The following CHRNA7 variants were observed in gnomAD, a reference collection of about 807,000 sequenced individuals.
CHRNA7 encodes the protein cholinergic receptor nicotinic alpha 7 subunit.
A neutral mutation model predicts 48.0 loss-of-function variants in CHRNA7; 17 were observed. The observed-to-expected ratio is 0.35, with a 90% confidence interval of 0.24 to 0.53. The LOEUF (loss-of-function observed/expected upper bound fraction) is 0.53, where lower values mean the gene tolerates loss of function less well. Ranked by LOEUF, CHRNA7 falls within the 20% of genes least tolerant of loss-of-function variation. The pLI, the probability that CHRNA7 is intolerant of heterozygous loss-of-function variation, is 0.92. For missense variants in CHRNA7, 155 were observed against 577.7 expected (o/e 0.27, Z 7.50); for synonymous variants, 75 against 242.3 (o/e 0.31, Z 6.41).
At chr15:32,126,350 G>A (rs946305346) in intron 4 of CHRNA7, among the ~76,000 whole-genome samples, 37 of 152,274 alleles carry the variant, frequency 2.4e-4, no homozygotes, top group African/African-American at 7.9e-4. Flanking sequence ...ATCTGAGTTT[G>A]TAGTTTGCAT....
At chr15:32,086,778 T>G (rs946331481) in intron 2 of CHRNA7, among the ~76,000 whole-genome samples, 7 of 152,156 alleles carry the variant, frequency 4.6e-5, no homozygotes, top group African/African-American at 1.7e-4. Context: ...TGTCTCTTCA[T>G]TGGGATTTGT....
intron 2 of CHRNA7, among the ~76,000 whole-genome samples, chr15:32,096,782 G>C (rs1447453118): frequency 6.6e-6 from 1 of 152,244 alleles, no homozygotes; most frequent in African/African-American, 2.4e-5. Context: ...AAACCAGATA[G>C]ACGATTATTC....
At chr15:32,147,679 C>T (rs2051520567) in intron 4 of CHRNA7, among the ~76,000 whole-genome samples, 1 of 152,172 alleles carries the variant, frequency 6.6e-6, no homozygotes, top group Non-Finnish European at 1.5e-5. Context: ...TTCCTGGAAT[C>T]TCTGGCAGGT....
chr15:32,069,482 C>CA (rs1368558849), intron 2 of CHRNA7, among the ~76,000 whole-genome samples: 1 of 151,648 alleles, frequency 6.6e-6, no homozygotes, highest in Non-Finnish European at 1.5e-5. Context: ...CCAATTGCTA[C>CA]AAAAAAATTT....
chr15:32,089,286 T>C (rs1299812024), intron 2 of CHRNA7, among the ~76,000 whole-genome samples: 2 of 152,214 alleles, frequency 1.3e-5, no homozygotes, highest in Non-Finnish European at 2.9e-5. Flanking sequence ...TTCAAAATTG[T>C]TCCACAATTT....
At chr15:32,087,950 T>C (rs2050324613) in intron 2 of CHRNA7, among the ~76,000 whole-genome samples, 1 of 152,208 alleles carries the variant, frequency 6.6e-6, no homozygotes, top group Admixed American at 6.5e-5. Context: ...ATCTCCTAAG[T>C]ATTTGTTTTG....
At chr15:32,068,033 T>C (rs2049993769) in intron 2 of CHRNA7, among the ~76,000 whole-genome samples, 1 of 152,078 alleles carries the variant, frequency 6.6e-6, no homozygotes. Flanking sequence ...AATAGCAAAC[T>C]GGGCACAGTG....
At chr15:32,036,031 T>C (rs1238938704) in intron 2 of CHRNA7, among the ~76,000 whole-genome samples, 1 of 152,220 alleles carries the variant, frequency 6.6e-6, no homozygotes, top group Admixed American at 6.5e-5. Flanking sequence ...ACCCTCATTA[T>C]GGTATCATAC....
chr15:32,041,744 C>G (rs543092100), intron 2 of CHRNA7, among the ~76,000 whole-genome samples: 2 of 152,350 alleles, frequency 1.3e-5, no homozygotes, highest in Admixed American at 1.3e-4. Context: ...GATTGATATT[C>G]CTCATACTAG....
chr15:32,044,936 C>T (rs2049513803), intron 2 of CHRNA7, among the ~76,000 whole-genome samples: 2 of 152,210 alleles, frequency 1.3e-5, no homozygotes, highest in Non-Finnish European at 2.9e-5. Flanking sequence ...ATTACTTTGT[C>T]TCTCCATGCT....
intron 4 of CHRNA7, among the ~76,000 whole-genome samples, chr15:32,136,883 T>C (rs1266219798): frequency 2.8e-5 from 4 of 143,642 alleles, no homozygotes; most frequent in Non-Finnish European, 4.6e-5. Flanking sequence ...TACAAAAAAA[T>C]TAGCCGGGCG....
At chr15:32,084,221 A>G (rs1292323023) in intron 2 of CHRNA7, among the ~76,000 whole-genome samples, 3 of 152,250 alleles carry the variant, frequency 2.0e-5, no homozygotes, top group African/African-American at 7.2e-5. Context: ...CAGATTCTAC[A>G]GGACTTCTTA....
chr15:32,116,899 G>A (rs1355744589), intron 4 of CHRNA7, among the ~76,000 whole-genome samples: 1 of 152,220 alleles, frequency 6.6e-6, no homozygotes, highest in African/African-American at 2.4e-5. Flanking sequence ...CATCTGCAGG[G>A]TTGTGTCTTT....
intron 4 of CHRNA7, among the ~76,000 whole-genome samples, chr15:32,135,688 T>G (rs1233104624): frequency 6.6e-6 from 1 of 152,138 alleles, no homozygotes; most frequent in Admixed American, 6.5e-5. Context: ...TGTAATAATA[T>G]TGATGAAAAA....
At chr15:32,074,928 C>T (rs1034598591) in intron 2 of CHRNA7, among the ~76,000 whole-genome samples, 1 of 152,106 alleles carries the variant, frequency 6.6e-6, no homozygotes, top group African/African-American at 2.4e-5. Flanking sequence ...GGATTACAGG[C>T]ATGTGCCACC....
chr15:32,089,004 G>A (rs2050342335), intron 2 of CHRNA7, among the ~76,000 whole-genome samples: 1 of 152,094 alleles, frequency 6.6e-6, no homozygotes, highest in Non-Finnish European at 1.5e-5. Context: ...CAAACCCAAA[G>A]TCACGTATAT....
chr15:32,145,329 T>C (rs8038422), intron 4 of CHRNA7, among the ~76,000 whole-genome samples: 16,780 of 152,182 alleles, frequency 0.11, 1,191 homozygotes, highest in East Asian at 0.35. Context: ...GAGGTGTCTG[T>C]TGGCCCCTAC....
At chr15:32,051,024 T>C (rs1219847593) in intron 2 of CHRNA7, among the ~76,000 whole-genome samples, 2 of 142,652 alleles carry the variant, frequency 1.4e-5, no homozygotes, top group African/African-American at 5.5e-5. Flanking sequence ...CTCAGAGGAG[T>C]ACCCGGCCGT....
At chr15:32,126,124 A>G (rs755132765) in intron 4 of CHRNA7, among the ~76,000 whole-genome samples, 34 of 152,212 alleles carry the variant, frequency 2.2e-4, no homozygotes, top group Admixed American at 1.7e-3. Context: ...ACTTTAGTGA[A>G]TCACTACAGA....
Sources: allele counts gnomAD v4.1 joint callset (sites outside exome capture counted in the v4.1 genomes callset), GRCh38; gene constraint gnomAD v4.1.1; transcripts MANE v1.5; gene names NCBI Gene and HGNC (gene_info 2026-07-23, HGNC 2026-07-21).